Variants in PLPPR1 observed in about 807,000 individuals in gnomAD.
PLPPR1 encodes phospholipid phosphatase related 1.
Under a neutral mutation model 33.1 loss-of-function variants are expected in PLPPR1, and 10 were observed. The observed-to-expected ratio is 0.30, with a 90% CI of 0.19 to 0.51. The LOEUF is 0.51. Among genes scored for constraint, PLPPR1 ranks in the 20% least tolerant of loss-of-function variants. The pLI is 0.97. For missense variants in PLPPR1, 304 were observed against 408.1 expected (o/e 0.74, Z 2.20); for synonymous variants, 151 against 151.0 (o/e 1.00, Z 0.00).
intron 1 of PLPPR1, among the ~76,000 whole-genome samples, chr9:101,037,713 G>A (rs777435557): frequency 1.4e-4 from 21 of 151,882 alleles, no homozygotes; most frequent in Non-Finnish European, 2.9e-4. Flanking sequence ...TCCCTCCTGG[G>A]GGTCACAGGA....
intron 1 of PLPPR1, among the ~76,000 whole-genome samples, chr9:101,181,738 TATATATACACACACACAACACACATAC>T (rs1826116689): frequency 5.2e-3 from 1 of 194 alleles, no homozygotes. Context: ...TGTGTGTGTG[TATATATACACACACACAACACACATAC>T]ATATATACAC....
At chr9:101,078,172 A>G (rs1338410204) in intron 1 of PLPPR1, among the ~76,000 whole-genome samples, 8 of 23,400 alleles carry the variant, frequency 3.4e-4, no homozygotes, top group Non-Finnish European at 4.5e-4. Flanking sequence ...AAGAAGAAGA[A>G]GAAGAAGAAG....
chr9:101,286,063 C>G, intron 3 of PLPPR1, 41 bp from the exon 4 acceptor site: 1 of 1,578,654 alleles, frequency 6.3e-7, no homozygotes, highest in Non-Finnish European at 8.7e-7. Context: ...TCTTATCAAA[C>G]AGATCTCCAA....
At chr9:101,033,135 G>T (rs140027344) in intron 1 of PLPPR1, among the ~76,000 whole-genome samples, 1 of 152,144 alleles carries the variant, frequency 6.6e-6, no homozygotes, top group African/African-American at 2.4e-5. Flanking sequence ...CAGGAACTAG[G>T]TCCCTTACTG....
chr9:101,065,122 G>A (rs777766894), intron 1 of PLPPR1, among the ~76,000 whole-genome samples: 3 of 152,018 alleles, frequency 2.0e-5, no homozygotes, highest in Admixed American at 2.0e-4. Flanking sequence ...AGGAGGGAAT[G>A]AATCCTTGGA....
chr9:101,195,735 G>T (rs1826382158), intron 2 of PLPPR1, among the ~76,000 whole-genome samples: 1 of 152,168 alleles, frequency 6.6e-6, no homozygotes, highest in Non-Finnish European at 1.5e-5. Flanking sequence ...GCTTTGTGTT[G>T]TTTTCCAGAC....
chr9:101,048,915 TA>T (rs1344500149), intron 1 of PLPPR1, among the ~76,000 whole-genome samples: 2 of 151,570 alleles, frequency 1.3e-5, no homozygotes, highest in East Asian at 1.9e-4. Context: ...AAATAGATAA[TA>T]AAAAAAGAGC....
At chr9:101,088,932 T>TA (rs1278233361) in intron 1 of PLPPR1, among the ~76,000 whole-genome samples, 50 of 152,304 alleles carry the variant, frequency 3.3e-4, no homozygotes, top group African/African-American at 1.2e-3. Flanking sequence ...GCTGCATCAT[T>TA]ACTGATCCTG....
At chr9:101,076,733 T>C (rs1830542453) in intron 1 of PLPPR1, among the ~76,000 whole-genome samples, 1 of 152,224 alleles carries the variant, frequency 6.6e-6, no homozygotes, top group African/African-American at 2.4e-5. Flanking sequence ...TTGTCTATTT[T>C]ACTCTGGATA....
intron 1 of PLPPR1, chr9:101,131,655 C>T (rs1046533889): frequency 1.3e-5 from 2 of 152,198 alleles, no homozygotes. Flanking sequence ...CCAACACTTA[C>T]CTTCTTTTTC....
chr9:101,246,646 A>C (rs932327037), intron 2 of PLPPR1, among the ~76,000 whole-genome samples: 2 of 152,054 alleles, frequency 1.3e-5, no homozygotes, highest in Non-Finnish European at 2.9e-5. Context: ...ATCTCTCAAC[A>C]GCAAAAGAAA....
At chr9:101,059,140 A>G (rs1830312844) in intron 1 of PLPPR1, among the ~76,000 whole-genome samples, 1 of 152,040 alleles carries the variant, frequency 6.6e-6, no homozygotes, top group Non-Finnish European at 1.5e-5. Flanking sequence ...TTTTTGTGTG[A>G]TCTTTTCATT....
At chr9:101,237,208 T>C (rs1357516020) in intron 2 of PLPPR1, among the ~76,000 whole-genome samples, 4 of 151,840 alleles carry the variant, frequency 2.6e-5, no homozygotes, top group Non-Finnish European at 5.9e-5. Context: ...AGAACACTTA[T>C]ACACTGTTGG....
intron 3 of PLPPR1, among the ~76,000 whole-genome samples, chr9:101,270,592 T>C (rs1828078526): frequency 6.6e-6 from 1 of 152,158 alleles, no homozygotes; most frequent in South Asian, 2.1e-4. Context: ...TCTGTTCACA[T>C]TACATCACAT....
At chr9:101,128,620 C>G (rs1831276252) in intron 1 of PLPPR1, among the ~76,000 whole-genome samples, 1 of 152,030 alleles carries the variant, frequency 6.6e-6, no homozygotes, top group Admixed American at 6.6e-5. Flanking sequence ...GTTGATGTGC[C>G]CAAGTTAATC....
chr9:101,079,402 G>A (rs1043412526), intron 1 of PLPPR1, among the ~76,000 whole-genome samples: 11 of 152,164 alleles, frequency 7.2e-5, no homozygotes, highest in Admixed American at 6.5e-4. Context: ...GGATACACAA[G>A]AGGGAAGGTT....
At chr9:101,172,592 T>C (rs967641876) in intron 1 of PLPPR1, among the ~76,000 whole-genome samples, 2 of 152,194 alleles carry the variant, frequency 1.3e-5, no homozygotes, top group African/African-American at 4.8e-5. Context: ...CTCTGGGCCT[T>C]GGGTAGTTTC....
At chr9:101,094,385 T>G (rs1037316017) in intron 1 of PLPPR1, among the ~76,000 whole-genome samples, 69 of 152,288 alleles carry the variant, frequency 4.5e-4, no homozygotes, top group African/African-American at 1.5e-3. Context: ...ACTTTCTCTG[T>G]CTTGCTGAAT....
intron 2 of PLPPR1, among the ~76,000 whole-genome samples, chr9:101,194,866 T>G (rs911144610): frequency 2.0e-5 from 3 of 152,212 alleles, no homozygotes; most frequent in Non-Finnish European, 4.4e-5. Context: ...GTTAGGAAAT[T>G]GGACCAAATA....
Sources: gnomAD v4.1 joint callset for allele counts (sites outside exome capture counted in the v4.1 genomes callset) on GRCh38, gnomAD v4.1.1 for gene constraint, MANE v1.5 for transcripts, NCBI Gene and HGNC (gene_info 2026-07-23, HGNC 2026-07-21) for gene names.